ANKRD12: variants seen among roughly 807,000 people sequenced by gnomAD.
The protein encoded by ANKRD12 is ankyrin repeat domain 12.
ANKRD12 carries 85 observed loss-of-function variants against 183.4 expected under a neutral mutation model. The ratio of observed to expected loss-of-function variants is 0.46; its 90% CI spans 0.39 to 0.56. ANKRD12 has a LOEUF of 0.56. Ranked by LOEUF, ANKRD12 falls within the 20% of genes least tolerant of loss-of-function variation. ANKRD12 has a pLI of 0.00. For missense variants in ANKRD12, 2,405 were observed against 2,357.1 expected (o/e 1.02, Z -0.42); for synonymous variants, 914 against 800.2 (o/e 1.14, Z -2.40).
At chr18:9,248,273 A>G (rs2038080563) in intron 8 of ANKRD12, among the ~76,000 whole-genome samples, 1 of 152,260 alleles carries the variant, frequency 6.6e-6, no homozygotes, top group Admixed American at 6.5e-5. Context: ...CAAGACTGAC[A>G]TGAACATCGG....
chr18:9,216,958 A>C (rs2036142455), intron 7 of ANKRD12, 58 bp downstream of exon 7: 2 of 1,494,150 alleles, frequency 1.3e-6, no homozygotes, highest in Admixed American at 1.9e-5. Context: ...ATTCAACCCA[A>C]AGTAATTTCA....
chr18:9,228,295 C>T (rs933967834), intron 8 of ANKRD12, among the ~76,000 whole-genome samples: 2 of 152,190 alleles, frequency 1.3e-5, no homozygotes, highest in Non-Finnish European at 2.9e-5. Flanking sequence ...CTTGTAAGTG[C>T]AGGTATCCCT....
At chr18:9,212,088 G>C (rs2035835914) in intron 6 of ANKRD12, among the ~76,000 whole-genome samples, 1 of 152,068 alleles carries the variant, frequency 6.6e-6, no homozygotes, top group Non-Finnish European at 1.5e-5. Flanking sequence ...TTTCAAAGTA[G>C]TTGATTCATT....
intron 1 of ANKRD12, among the ~76,000 whole-genome samples, chr18:9,138,786 A>T (rs1346525711): frequency 3.3e-5 from 5 of 152,208 alleles, no homozygotes; most frequent in African/African-American, 1.2e-4. Flanking sequence ...GCCTTTAAAA[A>T]TTTGAAATGT....
chr18:9,283,988 C>T lies in ANKRD12; in HGVS notation c.*2862C>T, dbSNP rs1568017670. ...CATCTCAGTAAAGCAAATACCACAA[C>T]AAAGCGAGTCAGGAGGAATTTTTTG... On this transcript the variant is annotated 3_prime_UTR_variant, in exon 13 of 13. Transcript: ENST00000262126. The T allele has an allele frequency of 6.6e-6, 1 of 152,138 alleles. No homozygotes were observed. Among genetic ancestry groups the T allele is most frequent in the African/African-American group, 2.4e-5 (1 of 41,432 alleles). The allele number at this position is 152,138 out of a possible 1,614,324, so 9.4% of individuals were successfully genotyped here. A position where few individuals can be genotyped will look rare whatever the true frequency, so the allele number is the denominator to read the frequency against.
intron 8 of ANKRD12, chr18:9,250,231 T>C (rs1339297472): frequency 6.6e-6 from 1 of 152,168 alleles, no homozygotes; most frequent in African/African-American, 2.4e-5. Context: ...GTGGTAATAG[T>C]GGAGATGATG....
chr18:9,275,926 A>C (rs2039812402), intron 11 of ANKRD12, among the ~76,000 whole-genome samples: 1 of 152,246 alleles, frequency 6.6e-6, no homozygotes, highest in Admixed American at 6.5e-5. Flanking sequence ...TTACAGGTAC[A>C]CATAATTTGT....
chr18:9,269,595 C>T (rs1325375869), intron 10 of ANKRD12, among the ~76,000 whole-genome samples: 3 of 152,190 alleles, frequency 2.0e-5, no homozygotes, highest in Non-Finnish European at 2.9e-5. Context: ...GGATCCCTTC[C>T]TTACACCTTA....
intron 1 of ANKRD12, among the ~76,000 whole-genome samples, chr18:9,141,304 T>C (rs942840251): frequency 6.6e-6 from 1 of 152,208 alleles, no homozygotes; most frequent in African/African-American, 2.4e-5. Flanking sequence ...TCATATAATA[T>C]GAGGCTATCC....
chr18:9,208,930 G>A, intron 5 of ANKRD12, 127 bp downstream of exon 5: 1 of 914,632 alleles, frequency 1.1e-6, no homozygotes, highest in Non-Finnish European at 1.5e-6. Flanking sequence ...AGAATTACTT[G>A]TAAGTCAGTG....
At chr18:9,146,563 C>T (rs980114172) in intron 1 of ANKRD12, among the ~76,000 whole-genome samples, 3 of 152,316 alleles carry the variant, frequency 2.0e-5, no homozygotes, top group Middle Eastern at 3.4e-3. Context: ...CACGCTTATT[C>T]TTTTGCATTG....
At chr18:9,145,716 A>G (rs1044609058) in intron 1 of ANKRD12, among the ~76,000 whole-genome samples, 1 of 152,248 alleles carries the variant, frequency 6.6e-6, no homozygotes, top group Non-Finnish European at 1.5e-5. Context: ...AACAGCCACA[A>G]TTACTAGGAT....
At chr18:9,247,379 T>A (rs973699988) in intron 8 of ANKRD12, among the ~76,000 whole-genome samples, 1 of 151,172 alleles carries the variant, frequency 6.6e-6, no homozygotes, top group African/African-American at 2.4e-5. Flanking sequence ...CTTGAGAGGC[T>A]GAGGCAGGAG....
chr18:9,216,239 C>T (rs2036096619), intron 6 of ANKRD12, among the ~76,000 whole-genome samples: 1 of 152,126 alleles, frequency 6.6e-6, no homozygotes, highest in South Asian at 2.1e-4. Context: ...ACCTCTGAGA[C>T]AGCAAGACCA....
chr18:9,174,769 A>G (rs181080242), intron 1 of ANKRD12, among the ~76,000 whole-genome samples: 51 of 152,230 alleles, frequency 3.4e-4, no homozygotes, highest in African/African-American at 1.2e-3. Flanking sequence ...TCTCTATGAG[A>G]GCCATCTTGT....
intron 5 of ANKRD12, among the ~76,000 whole-genome samples, chr18:9,209,890 T>C (rs1017400998): frequency 6.6e-6 from 1 of 152,200 alleles, no homozygotes. Flanking sequence ...AGTAAAAGTC[T>C]TTCATCTCCA....
At chr18:9,182,314 G>C in intron 1 of ANKRD12, 68 bp from the exon 2 acceptor site, 1 of 240,308 alleles carries the variant, frequency 4.2e-6, no homozygotes, top group East Asian at 6.1e-5. Context: ...AAAACAAATT[G>C]GACTAATTGT....
intron 8 of ANKRD12, among the ~76,000 whole-genome samples, chr18:9,251,165 T>C (rs1249993742): frequency 2.0e-5 from 3 of 152,200 alleles, no homozygotes; most frequent in Non-Finnish European, 4.4e-5. Flanking sequence ...AACATGAGAA[T>C]AGATGTCATG....
At chr18:9,143,752 T>A (rs1315705329) in intron 1 of ANKRD12, among the ~76,000 whole-genome samples, 1 of 152,082 alleles carries the variant, frequency 6.6e-6, no homozygotes, top group Non-Finnish European at 1.5e-5. Context: ...GAGCCACCAC[T>A]CTCTGCGGAG....
Sources: gnomAD v4.1 joint callset for allele counts (sites outside exome capture counted in the v4.1 genomes callset) on GRCh38, gnomAD v4.1.1 for gene constraint, MANE v1.5 for transcripts, NCBI Gene and HGNC (gene_info 2026-07-23, HGNC 2026-07-21) for gene names.